NAA25: variants seen among roughly 807,000 people sequenced by gnomAD.
NAA25 encodes N-alpha-acetyltransferase 25, NatB auxiliary subunit.
Under a neutral mutation model 132.5 loss-of-function variants are expected in NAA25, and 30 were observed. That is an observed-to-expected ratio of 0.23 (90% CI 0.17 to 0.31). The LOEUF (loss-of-function observed/expected upper bound fraction) is 0.31, where lower values mean the gene tolerates loss of function less well. Among genes scored for constraint, NAA25 ranks in the 10% least tolerant of loss-of-function variants. The pLI is 1.00. For missense variants in NAA25, 771 were observed against 1,150.4 expected, an observed-to-expected ratio of 0.67 and a Z score of 4.77; for synonymous variants, 359 against 401.9, an observed-to-expected ratio of 0.89 and a Z score of 1.28.
intron 15 of NAA25, among the ~76,000 whole-genome samples, chr12:112,053,044 C>T (rs2078490245): frequency 6.6e-6 from 1 of 152,170 alleles, no homozygotes; most frequent in East Asian, 1.9e-4. Context: ...CACAGAGAAG[C>T]TCTATTTATT....
intron 17 of NAA25, among the ~76,000 whole-genome samples, chr12:112,044,220 C>T (rs1301199432): frequency 6.6e-6 from 1 of 151,568 alleles, no homozygotes; most frequent in Non-Finnish European, 1.5e-5. Flanking sequence ...CGTCAGCTAC[C>T]GCGCCTGGCC....
chr12:112,040,448 A>G, intron 21 of NAA25, 33 bp downstream of exon 21: 1 of 1,314,864 alleles, frequency 7.6e-7, no homozygotes, highest in Non-Finnish European at 1.1e-6. Flanking sequence ...ATTAAGAACA[A>G]CAATGTCTTT....
chr12:112,050,737 C>T (rs541035168), intron 15 of NAA25, among the ~76,000 whole-genome samples: 10 of 152,046 alleles, frequency 6.6e-5, no homozygotes, highest in South Asian at 2.1e-4. Context: ...AGTAAAAACA[C>T]GTAAGTGACT....
intron 16 of NAA25, 52 bp downstream of exon 16, chr12:112,048,240 T>C: frequency 1.3e-6 from 2 of 1,557,946 alleles, no homozygotes; most frequent in Non-Finnish European, 1.7e-6. Context: ...TAATGGCTCT[T>C]AACAACTGAT....
In NAA25 at chr12:112,029,536, T is replaced by C. The variant is rs2078122705; in HGVS notation, c.2914A>G (p.Ile972Val). The change falls in exon 24 of 24, where the codon ATT becomes GTT. Residue 972 changes from isoleucine (I) to valine (V), a missense_variant. Physicochemically the swap from Ile to Val is conservative, Grantham distance 29 (BLOSUM62 3). This residue lies in a region of NAA25 where 324 missense variants were observed against 400.0 expected (regional missense o/e 0.81). Coordinates refer to ENST00000261745, the MANE Select transcript of NAA25 (RefSeq NM_024953.4). ...KRLETTKKLK[I>V] is the part of the protein sequence containing the mutation. ...TGCCCATGATAGATACTTCCTTAAA[T>C]TTTTAGTTTCTTTGTGGTCTCAAGT... 1.2e-6 allele frequency: 2 copies of C among 1,614,042 alleles called. No homozygotes were observed. Among genetic ancestry groups the C allele is most frequent in the Non-Finnish European group, 1.7e-6 (2 of 1,179,974 alleles).
chr12:112,054,673 G>T, intron 13 of NAA25, 105 bp from the exon 14 acceptor site: 1 of 1,059,230 alleles, frequency 9.4e-7, no homozygotes, highest in Non-Finnish European at 1.3e-6. Context: ...CCCAATAAAT[G>T]AAGTTAAATG....
At chr12:112,077,610 C>CTCA (rs2078912515) in intron 7 of NAA25, among the ~76,000 whole-genome samples, 1 of 151,830 alleles carries the variant, frequency 6.6e-6, no homozygotes, top group Non-Finnish European at 1.5e-5. Context: ...ACAGTGAGAC[C>CTCA]TCATCTCTTT....
At chr12:112,092,874 C>T (rs1465786069) in intron 2 of NAA25, among the ~76,000 whole-genome samples, 177 bp downstream of exon 2, 1 of 151,908 alleles carries the variant, frequency 6.6e-6, no homozygotes, top group Admixed American at 6.6e-5. Context: ...GACAGGGTTT[C>T]ACCATGTTGG....
chr12:112,045,092 T>A (rs1216775183), intron 17 of NAA25, among the ~76,000 whole-genome samples: 1 of 151,958 alleles, frequency 6.6e-6, no homozygotes, highest in Non-Finnish European at 1.5e-5. Context: ...TAGAAAAATG[T>A]AAAACGTAGA....
At chr12:112,092,163 C>G (rs1379811418) in intron 2 of NAA25, among the ~76,000 whole-genome samples, 3 of 151,844 alleles carry the variant, frequency 2.0e-5, no homozygotes, top group African/African-American at 4.8e-5. Context: ...ATTGCTTGAA[C>G]CCAGGAGGCA....
intron 1 of NAA25, among the ~76,000 whole-genome samples, chr12:112,095,203 C>T (rs563766451): frequency 4.0e-5 from 6 of 151,794 alleles, no homozygotes; most frequent in African/African-American, 1.2e-4. Flanking sequence ...TTTGGGAGGC[C>T]GAGGCGGGCG....
At chr12:112,044,434 G>A (rs981292868) in intron 17 of NAA25, among the ~76,000 whole-genome samples, 2 of 151,746 alleles carry the variant, frequency 1.3e-5, no homozygotes, top group African/African-American at 4.8e-5. Flanking sequence ...ACTTTGGAAG[G>A]CCGAGGTGGG....
chr12:112,102,194 A>AAAAAT (rs2079305158), intron 1 of NAA25, among the ~76,000 whole-genome samples: 1 of 152,068 alleles, frequency 6.6e-6, no homozygotes, highest in South Asian at 2.1e-4. Flanking sequence ...TCCATCTCAA[A>AAAAAT]AAAATAAAAT....
At chr12:112,059,658 T>C (rs2078596806) in intron 13 of NAA25, among the ~76,000 whole-genome samples, 1 of 152,218 alleles carries the variant, frequency 6.6e-6, no homozygotes, top group South Asian at 2.1e-4. Context: ...TGTGCATGTA[T>C]TTTTTAGTCA....
At chr12:112,086,095 CACACACA>C (rs1566027562) in intron 4 of NAA25, among the ~76,000 whole-genome samples, 3 of 127,298 alleles carry the variant, frequency 2.4e-5, no homozygotes, top group African/African-American at 9.4e-5. Context: ...CACACACACA[CACACACA>C]CCCATAACCA....
chr12:112,029,780 G>A, intron 23 of NAA25, 127 bp from the exon 24 acceptor site: 6 of 1,328,088 alleles, frequency 4.5e-6, no homozygotes, highest in Non-Finnish European at 6.1e-6. Context: ...GAACACAGTG[G>A]GTCATTTTCA....
intron 21 of NAA25, chr12:112,039,669 C>A (rs2078275181): frequency 5.5e-6 from 1 of 182,760 alleles, no homozygotes; most frequent in South Asian, 1.4e-4. Context: ...AGAGAAGAGT[C>A]CAAATTCCTA....
In NAA25 at chr12:112,043,016, G is replaced by A. The variant is rs1056239766; in HGVS notation, c.2374+72C>T. ...TACTCTAAAATTTTCCAGATGTGAG[G>A]TTATAGACATTTTATTACGTGTACT... On this transcript the variant is annotated intron_variant, in intron 19 of 23. Transcript: ENST00000261745. 18 of 1,442,448 alleles carry A rather than the reference G, an allele frequency of 1.2e-5. No individual in the cohort carries two copies. In the African/African-American group the frequency reaches 2.4e-4, roughly 19 times the overall value. The allele number at this position is 1,442,448 out of a possible 1,614,324, so 89.4% of individuals were successfully genotyped here.
intron 5 of NAA25, among the ~76,000 whole-genome samples, chr12:112,079,483 T>C (rs1204194385): frequency 1.3e-5 from 2 of 151,778 alleles, no homozygotes; most frequent in African/African-American, 2.4e-5. Flanking sequence ...TAATCCTAGC[T>C]ACTTGGGAGG....
Sources: gnomAD v4.1 joint callset for allele counts (sites outside exome capture counted in the v4.1 genomes callset) on GRCh38, gnomAD v4.1.1 for gene constraint, gnomAD v4.1.1 regional missense constraint, MANE v1.5 for transcripts, NCBI Gene and HGNC (gene_info 2026-07-23, HGNC 2026-07-21) for gene names.